ALG10B: variants seen among roughly 807,000 people sequenced by gnomAD.
The protein encoded by ALG10B is dol-P-Glc:Glc(2)Man(9)GlcNAc(2)-PP-Dol alpha-1,2-glucosyltransferase B.
Under a neutral mutation model 38.7 loss-of-function variants are expected in ALG10B, and 27 were observed. The ratio of observed to expected loss-of-function variants is 0.70; its 90% CI spans 0.51 to 0.96. The LOEUF is 0.96. ALG10B is among the 40% of genes least tolerant of loss of function. The pLI is 0.00. For synonymous variants in ALG10B, 177 were observed against 193.3 expected, an observed-to-expected ratio of 0.92 and a Z score of 0.70; for missense variants, 522 against 542.7, an observed-to-expected ratio of 0.96 and a Z score of 0.38.
In ALG10B at chr12:38,321,402, A is replaced by C; in HGVS notation, c.*189A>C. ...AGTGGCAAAGAACTGGGAAAGCTTA[A>C]GACCTGCTTCAAAAGCCTGAATAAT... On this transcript the variant is annotated 3_prime_UTR_variant, in exon 3 of 3. Transcript: ENST00000308742. The C allele has an allele frequency of 7.8e-6, 4 of 515,578 alleles. No homozygotes were observed. The South Asian group carries it at 2.0e-4, about 25-fold the overall frequency. The allele number at this position is 515,578 out of a possible 1,614,324, so 31.9% of individuals were successfully genotyped here. A position where few individuals can be genotyped will look rare whatever the true frequency, so the allele number is the denominator to read the frequency against.
intron 1 of ALG10B, chr12:38,317,465 GT>G: frequency 1.0e-5 from 2 of 197,716 alleles, no homozygotes; most frequent in Non-Finnish European, 2.1e-5. Flanking sequence ...GTGGGATAGG[GT>G]GGACTGGAGG....
Position 38,326,525 on chromosome 12 carries a change from T to TTATTTAAAATAAGAAAATATTCTTATTTC in ALG10B, c.*5330_*5358dup, listed in dbSNP as rs199609998. The TTATTTAAAATAAGAAAATATTCTTATTTC allele has an allele frequency of 7.5e-5, 10 of 134,024 alleles. No homozygotes were observed. The highest frequency in any genetic ancestry group is 4.1e-3 in the Middle Eastern group (1 of 242). The allele number at this position is 134,024 out of a possible 1,614,324, so 8.3% of individuals were successfully genotyped here. On this transcript the variant is annotated 3_prime_UTR_variant, in exon 3 of 3. Transcript: ENST00000308742. The stretch of plus-strand genomic sequence containing the variant: ...GGTATAATTTCAAAATAATTGCTTT[T>TTATTTAAAATAAGAAAATATTCTTATTTC]TATTTAAAATAAGAAAATATTCTTA...
At position 38,325,131 on chromosome 12, in the gene ALG10B, A is replaced by G. The variant is rs1245725752; in HGVS notation, c.*3918A>G. On this transcript the variant is annotated 3_prime_UTR_variant, in exon 3 of 3. Coordinates refer to ENST00000308742, the MANE Select transcript of ALG10B (RefSeq NM_001013620.4). ...TTATGTTTTCCATTAATGGATAGTC[A>G]GGAATCTTTTGAACTGCGTCTATGT... 3.9e-5 allele frequency: 6 copies of G among 152,206 alleles called. No individual in the cohort carries two copies. Among genetic ancestry groups the G allele is most frequent in the Non-Finnish European group, 7.4e-5 (5 of 68,022 alleles). The allele number at this position is 152,206 out of a possible 1,614,324, so 9.4% of individuals were successfully genotyped here.
At chr12:38,319,099 T>C (rs1334571212) in intron 2 of ALG10B, among the ~76,000 whole-genome samples, 1 of 152,206 alleles carries the variant, frequency 6.6e-6, no homozygotes, top group African/African-American at 2.4e-5. Context: ...TAAGAGATTA[T>C]TTCAGTAGTG....
chr12:38,323,660 G>T lies in ALG10B; in HGVS notation c.*2447G>T. 2.2e-6 allele frequency: 1 copy of T among 447,564 alleles called. No individual in the cohort carries two copies. The highest frequency in any genetic ancestry group is 3.5e-5 in the East Asian group (1 of 28,480). 27.7% of individuals were successfully genotyped at this position (447,564 alleles called of 1,614,324 possible). On this transcript the variant is annotated 3_prime_UTR_variant, in exon 3 of 3. Coordinates refer to ENST00000308742, the MANE Select transcript of ALG10B (RefSeq NM_001013620.4). Reference sequence around the variant, plus strand: ...AGTATAATTTGAGTAATAAATGCAGGCCATTTTTTGGTTGTACTCTAGTAC... The same window carrying T: ...AGTATAATTTGAGTAATAAATGCAGTCCATTTTTTGGTTGTACTCTAGTAC...
At position 38,323,942 on chromosome 12, in the gene ALG10B, C is replaced by G. The variant is rs1945722404; in HGVS notation, c.*2729C>G. 3 of 701,836 alleles carry G rather than the reference C, an allele frequency of 4.3e-6. No individual in the cohort carries two copies. The highest frequency in any genetic ancestry group is 1.5e-5 in the South Asian group (1 of 67,502). 43.5% of individuals were successfully genotyped at this position (701,836 alleles called of 1,614,324 possible). A position where few individuals can be genotyped will look rare whatever the true frequency, so the allele number is the denominator to read the frequency against. ...ACTTCTGAGAGGAGAAGCTTCCACT[C>G]TGATCTAGTCTGGCAAAATTGAGGA... On this transcript the variant is annotated 3_prime_UTR_variant, in exon 3 of 3. Transcript: ENST00000308742.
chr12:38,323,491 TA>T lies in ALG10B; in HGVS notation c.*2280del, dbSNP rs1945719124. Reference sequence around the variant, plus strand: ...AGAATTGTGAATAGAACTCATCTTTTAACATAATTTTATGTTTCTAAACTTT... The same window carrying T: ...AGAATTGTGAATAGAACTCATCTTTTACATAATTTTATGTTTCTAAACTTT... On this transcript the variant is annotated 3_prime_UTR_variant, in exon 3 of 3. Coordinates refer to ENST00000308742, the MANE Select transcript of ALG10B (RefSeq NM_001013620.4). The T allele has an allele frequency of 6.3e-6, 1 of 159,198 alleles. No homozygotes were observed. The highest frequency in any genetic ancestry group is 6.3e-5 in the Admixed American group (1 of 15,962). The allele number at this position is 159,198 out of a possible 1,614,324, so 9.9% of individuals were successfully genotyped here.
rs1367382959 is a variant in ALG10B, at chr12:38,321,214, T to A, written c.*1T>A. On this transcript the variant is annotated 3_prime_UTR_variant, in exon 3 of 3. Transcript: ENST00000308742. Reference sequence around the variant, plus strand: ...GGACATTCAAAGGTTTATGTGGTAATATCAGTGATATTTTGAACTGTAAAA... The same window carrying A: ...GGACATTCAAAGGTTTATGTGGTAAAATCAGTGATATTTTGAACTGTAAAA... 6.2e-7 allele frequency: 1 copy of A among 1,609,944 alleles called. No individual in the cohort carries two copies. Among genetic ancestry groups the A allele is most frequent in the Non-Finnish European group, 8.5e-7 (1 of 1,177,694 alleles).
rs1276373275 is a variant in ALG10B at position 38,324,805 on chromosome 12, A to T, written c.*3592A>T. The T allele has an allele frequency of 1.3e-5, 2 of 152,218 alleles. No individual in the cohort carries two copies. The highest frequency in any genetic ancestry group is 4.8e-5 in the African/African-American group (2 of 41,456). The allele number at this position is 152,218 out of a possible 1,614,324, so 9.4% of individuals were successfully genotyped here. On this transcript the variant is annotated 3_prime_UTR_variant, in exon 3 of 3. Transcript: ENST00000308742. ...ATATTTGTGTTTTCAAAAGTTATTGAGTAGATAGATATTTTTTCATGAATT... is the reference window on the plus strand; with the variant it reads ...ATATTTGTGTTTTCAAAAGTTATTGTGTAGATAGATATTTTTTCATGAATT...
chr12:38,316,688 C>T, upstream of ALG10B: 2 of 759,520 alleles, frequency 2.6e-6, no homozygotes, highest in African/African-American at 1.7e-5. Context: ...ATCATCCGGT[C>T]CGTTATCTAA....
At chr12:38,318,974 T>G (rs894919747) in intron 2 of ALG10B, among the ~76,000 whole-genome samples, 1 of 152,178 alleles carries the variant, frequency 6.6e-6, no homozygotes, top group African/African-American at 2.4e-5. Flanking sequence ...AGAATCTGCC[T>G]TATAGAACTG....
At chr12:38,317,223 G>A (rs1591935467) in intron 1 of ALG10B, 159 bp downstream of exon 1, 2 of 938,546 alleles carry the variant, frequency 2.1e-6, no homozygotes, top group East Asian at 2.6e-5. Flanking sequence ...CTGTCTCTGA[G>A]ATCTGTGAAA....
chr12:38,320,914 C>T lies in ALG10B; in HGVS notation c.1123C>T (p.Pro375Ser), dbSNP rs1176157798. ...RYAILKYLLV[P>S]AYIFAGWSIA... is the part of the protein sequence containing the mutation. ...TGCAATTCTGAAATATTTGTTAGTT[C>T]CAGCCTATATATTTGCTGGTTGGAG... Residue 375 changes from proline to serine, a missense_variant, in exon 3 of 3, where the codon CCA (proline) becomes TCA (serine). Pro to Ser is a moderately conservative substitution (Grantham distance 74, BLOSUM62 -1). Transcript: ENST00000308742. The T allele has an allele frequency of 1.2e-6, 2 of 1,613,730 alleles. No homozygotes were observed. Among genetic ancestry groups the T allele is most frequent in the Admixed American group, 3.3e-5 (2 of 59,970 alleles).
In ALG10B at chr12:38,321,424, T is replaced by A. The variant is rs1220171884; in HGVS notation, c.*211T>A. The stretch of plus-strand genomic sequence containing the variant: ...TTAAGACCTGCTTCAAAAGCCTGAA[T>A]AATGGGAAAATAAAATTGTTTTCAG... On this transcript the variant is annotated 3_prime_UTR_variant, in exon 3 of 3. Coordinates refer to ENST00000308742, the MANE Select transcript of ALG10B (RefSeq NM_001013620.4). The A allele has an allele frequency of 5.9e-5, 25 of 426,440 alleles. No homozygotes were observed. Among genetic ancestry groups the A allele is most frequent in the Non-Finnish European group, 8.4e-5 (21 of 248,654 alleles). The allele number at this position is 426,440 out of a possible 1,614,324, so 26.4% of individuals were successfully genotyped here. A position where few individuals can be genotyped will look rare whatever the true frequency, so the allele number is the denominator to read the frequency against.
At position 38,329,245 on chromosome 12, in the gene ALG10B, A is replaced by G. The variant is rs1945773009; in HGVS notation, c.*8032A>G. The G allele has an allele frequency of 2.5e-6, 1 of 398,050 alleles. No individual in the cohort carries two copies. Among genetic ancestry groups the G allele is most frequent in the South Asian group, 1.3e-4 (1 of 7,836 alleles). 24.7% of individuals were successfully genotyped at this position (398,050 alleles called of 1,614,324 possible). On this transcript the variant is annotated 3_prime_UTR_variant, in exon 3 of 3. Transcript: ENST00000308742. ...GTCTTTTGTTTCTGTTTTTGTCATG[A>G]TACCTCAAATTGATATATGTTGTAA... is the stretch of plus-strand genomic sequence containing the variant.
chr12:38,319,870 G>A (rs1287850835), intron 2 of ALG10B, among the ~76,000 whole-genome samples: 1 of 152,096 alleles, frequency 6.6e-6, no homozygotes. Flanking sequence ...TCGGTATCTT[G>A]CACTCAGTAA....
In ALG10B at chr12:38,320,622, C is replaced by T. The variant is rs892961644; in HGVS notation, c.831C>T (p.Gly277=). The T allele has an allele frequency of 3.1e-6, 5 of 1,613,846 alleles. No homozygotes were observed. Among genetic ancestry groups the T allele is most frequent in the African/African-American group, 1.3e-5 (1 of 74,896 alleles). ...TAGTTAATGGTGGAATTGTTATTGG[C>T]GATCGGAGTAGTCATGAAGCCTGTC... ...FVVVNGGIVI[G]DRSSHEACLH... Residue 277 remains glycine, a synonymous_variant, in exon 3 of 3, where the codon GGC becomes GGT. Transcript: ENST00000308742.
rs1945705215 is a variant in ALG10B, at chr12:38,321,537, C to T, written c.*324C>T. ...AAGTTTATTAAAACTGGGTATGCTTCATATTACTAGAACTAATTTATTCTC... is the reference window on the plus strand; with the variant it reads ...AAGTTTATTAAAACTGGGTATGCTTTATATTACTAGAACTAATTTATTCTC... On this transcript the variant is annotated 3_prime_UTR_variant, in exon 3 of 3. Transcript: ENST00000308742. The T allele has an allele frequency of 5.5e-6, 1 of 180,514 alleles. No individual in the cohort carries two copies. The allele number at this position is 180,514 out of a possible 1,614,324, so 11.2% of individuals were successfully genotyped here.
At chr12:38,317,312 G>C (rs1211832182) in intron 1 of ALG10B, 1 of 614,674 alleles carries the variant, frequency 1.6e-6, no homozygotes, top group African/African-American at 1.8e-5. Flanking sequence ...GTGGGGAACT[G>C]AGCGCTCCTC....
Sources: allele counts gnomAD v4.1 joint callset (sites outside exome capture counted in the v4.1 genomes callset), GRCh38; gene constraint gnomAD v4.1.1; transcripts MANE v1.5; gene names NCBI Gene and HGNC (gene_info 2026-07-23, HGNC 2026-07-21).